The following DMD variants were observed in gnomAD, a reference collection of about 807,000 sequenced individuals.
DMD encodes the protein dystrophin.
In DMD, 63 loss-of-function variants were observed where a neutral mutation model predicts 330.1. That is an observed-to-expected ratio of 0.19 (90% CI 0.16 to 0.24). DMD has a LOEUF of 0.24. DMD is among the 10% of genes least tolerant of loss of function. The probability of loss-of-function intolerance (pLI) is 1.00; values close to 1 mark genes in which losing one functional copy is unlikely to be tolerated. For missense variants in DMD, 3,344 were observed against 2,684.1 expected (o/e 1.25, Z -5.43); for synonymous variants, 1,223 against 959.8 (o/e 1.27, Z -5.07).
rs1491168746 is a variant in DMD at position 33,259,609 on chromosome X, C to CCA, written c.7+79649_7+79650insTG. 4.1e-3 allele frequency among the ~76,000 whole-genome samples: 230 copies of CCA among 56,693 alleles called. 10 individuals carry two copies. The highest frequency in any genetic ancestry group is 0.014 in the African/African-American group (218 of 15,396). 49.2% of individuals were successfully genotyped at this position (56,693 alleles called of 115,157 possible). A position where few individuals can be genotyped will look rare whatever the true frequency, so the allele number is the denominator to read the frequency against. On this transcript the variant is annotated intron_variant, in intron 1 of 17. Coordinates refer to the DMD transcript ENST00000288447. Reference sequence around the variant, plus strand: ...ATATTTCAAAATCGCCCCCCCCCCCCAAAAAAAAAAAGGAAATCTGAAACA... The same window carrying CCA: ...ATATTTCAAAATCGCCCCCCCCCCCCCAAAAAAAAAAAAGGAAATCTGAAACA...
chrX:32,976,760 T>G (rs1475451427), intron 2 of DMD, among the ~76,000 whole-genome samples: 1 of 111,812 alleles, frequency 8.9e-6, no homozygotes, highest in Non-Finnish European at 1.9e-5. Flanking sequence ...ATTTTCATAT[T>G]GAATAATTAA....
intron 60 of DMD, among the ~76,000 whole-genome samples, chrX:31,366,232 A>G (rs1254565950): frequency 3.6e-5 from 4 of 110,482 alleles, no homozygotes; most frequent in Non-Finnish European, 7.5e-5. Flanking sequence ...GATGCCAATC[A>G]CATTACTTCG....
chrX:31,977,250 C>T (rs1603618827), intron 44 of DMD, among the ~76,000 whole-genome samples: 1 of 112,075 alleles, frequency 8.9e-6, no homozygotes, highest in Non-Finnish European at 1.9e-5. Flanking sequence ...TTATAATCTT[C>T]TTGATTGCTT....
chrX:31,917,509 G>A (rs1260417781), intron 47 of DMD, among the ~76,000 whole-genome samples: 2 of 111,923 alleles, frequency 1.8e-5, no homozygotes, highest in African/African-American at 6.5e-5. Flanking sequence ...GTGAGTGACA[G>A]TGTTTGCAGT....
chrX:31,937,393 G>A (rs2094936748), intron 45 of DMD, among the ~76,000 whole-genome samples: 1 of 111,445 alleles, frequency 9.0e-6, no homozygotes, highest in African/African-American at 3.2e-5. Flanking sequence ...GCTTTTTGCT[G>A]TCTTTCTTTT....
intron 60 of DMD, among the ~76,000 whole-genome samples, chrX:31,399,117 C>T (rs1010264346): frequency 5.4e-5 from 6 of 110,922 alleles, no homozygotes; most frequent in African/African-American, 9.8e-5. Flanking sequence ...TTCACCCACA[C>T]GCATGGCACC....
intron 77 of DMD, among the ~76,000 whole-genome samples, chrX:31,132,825 A>G (rs954983946): frequency 9.1e-6 from 1 of 109,901 alleles, no homozygotes; most frequent in African/African-American, 3.3e-5. Flanking sequence ...CATCTAGAAG[A>G]AGGAGATACC....
intron 12 of DMD, among the ~76,000 whole-genome samples, chrX:32,612,928 G>A: frequency 9.0e-6 from 1 of 111,007 alleles, no homozygotes. Flanking sequence ...AAAAACTCTA[G>A]AACTTAGAAA....
intron 17 of DMD, among the ~76,000 whole-genome samples, chrX:32,522,912 G>A (rs1015208400): frequency 2.7e-5 from 3 of 111,708 alleles, no homozygotes; most frequent in Admixed American, 1.9e-4. Context: ...TATGAGATAG[G>A]AATATCCACC....
intron 61 of DMD, among the ~76,000 whole-genome samples, chrX:31,343,705 G>A (rs913305994): frequency 1.8e-5 from 2 of 108,673 alleles, no homozygotes; most frequent in African/African-American, 3.3e-5. Flanking sequence ...GCATGTTTAC[G>A]CTGGCGGGTG....
chrX:32,039,712 T>C (rs1436651841), intron 44 of DMD, among the ~76,000 whole-genome samples: 1 of 111,787 alleles, frequency 8.9e-6, no homozygotes, highest in Non-Finnish European at 1.9e-5. Flanking sequence ...AGAGTGAGGG[T>C]CTCAAAATGT....
intron 42 of DMD, among the ~76,000 whole-genome samples, chrX:32,288,981 T>C (rs145769434): frequency 0.015 from 1,645 of 111,789 alleles, 8 homozygotes; most frequent in Admixed American, 0.022. Context: ...ATTCTGGGCA[T>C]GTATTGGAAT....
intron 1 of DMD, among the ~76,000 whole-genome samples, chrX:33,225,152 A>T (rs1280056362): frequency 8.9e-6 from 1 of 111,768 alleles, no homozygotes; most frequent in Non-Finnish European, 1.9e-5. Context: ...CACAATTTTT[A>T]TCAAAATCTC....
chrX:32,720,690 G>A (rs1273320623), intron 7 of DMD, among the ~76,000 whole-genome samples: 2 of 111,435 alleles, frequency 1.8e-5, no homozygotes, highest in African/African-American at 6.5e-5. Context: ...AGTAGCTGAG[G>A]CGATAGACAT....
chrX:33,220,449 T>G (rs979476133), intron 1 of DMD, among the ~76,000 whole-genome samples: 1 of 111,984 alleles, frequency 8.9e-6, no homozygotes, highest in Non-Finnish European at 1.9e-5. Flanking sequence ...TGAACTTCCT[T>G]GAGTTATGTT....
intron 4 of DMD, among the ~76,000 whole-genome samples, chrX:32,835,016 G>A (rs1471905219): frequency 9.0e-6 from 1 of 111,295 alleles, no homozygotes; most frequent in African/African-American, 3.3e-5. Context: ...TATCAAATTT[G>A]TAATTTCTAA....
At chrX:31,299,516 G>A (rs1031957488) in intron 62 of DMD, among the ~76,000 whole-genome samples, 2 of 111,483 alleles carry the variant, frequency 1.8e-5, no homozygotes, top group East Asian at 5.6e-4. Context: ...GATGGCTCAC[G>A]CCTGTAATCC....
At chrX:31,202,332 T>C (rs1403728809) in intron 67 of DMD, among the ~76,000 whole-genome samples, 2 of 112,527 alleles carry the variant, frequency 1.8e-5, no homozygotes, top group East Asian at 5.5e-4. Flanking sequence ...TGGAAGTTAC[T>C]TGTGTCTACA....
chrX:31,555,824 C>T (rs1305100033), intron 55 of DMD, among the ~76,000 whole-genome samples: 1 of 112,036 alleles, frequency 8.9e-6, no homozygotes, highest in Non-Finnish European at 1.9e-5. Context: ...TCACAGTCTG[C>T]TTACACTCTA....
Sources: allele counts gnomAD v4.1 joint callset (sites outside exome capture counted in the v4.1 genomes callset), GRCh38; gene constraint gnomAD v4.1.1; transcripts MANE v1.5; gene names NCBI Gene and HGNC (gene_info 2026-07-23, HGNC 2026-07-21).